Variants in C12orf42 observed in about 807,000 individuals in gnomAD.
C12orf42 encodes the protein uncharacterized protein C12orf42.
In C12orf42, 25 loss-of-function variants were observed where a neutral mutation model predicts 21.6. That is an observed-to-expected ratio of 1.16 (90% CI 0.84 to 1.62). C12orf42 has a LOEUF of 1.62. Ranked by LOEUF, C12orf42 falls within the 40% of genes most tolerant of loss-of-function variation. C12orf42 has a pLI of 0.00. For missense variants in C12orf42, 483 were observed against 459.3 expected (o/e 1.05, Z -0.47); for synonymous variants, 174 against 175.0 (o/e 0.99, Z 0.05).
intron 4 of C12orf42, among the ~76,000 whole-genome samples, chr12:103,349,775 A>G (rs1566127384): frequency 6.6e-6 from 1 of 152,176 alleles, no homozygotes; most frequent in African/African-American, 2.4e-5. Flanking sequence ...TGGAAATACA[A>G]TGGTAAAATG....
chr12:103,081,179 TTAGG>T, the C12orf42 span: 10 of 152,348 alleles, frequency 6.6e-5, no homozygotes, highest in African/African-American at 2.2e-4. Flanking sequence ...ACCATCTTCC[TTAGG>T]CTATAGAAAT....
chr12:103,123,670 A>G, the C12orf42 span, among the ~76,000 whole-genome samples: 1 of 152,138 alleles, frequency 6.6e-6, no homozygotes. Flanking sequence ...GAAATTGTAA[A>G]CTACTTATGG....
intron 2 of C12orf42, among the ~76,000 whole-genome samples, chr12:103,421,019 C>T (rs2049850011): frequency 6.6e-6 from 1 of 152,142 alleles, no homozygotes; most frequent in African/African-American, 2.4e-5. Context: ...TATTGTACAA[C>T]TTACTCACAA....
At chr12:103,329,224 C>A (rs924483200) in intron 4 of C12orf42, among the ~76,000 whole-genome samples, 1 of 152,172 alleles carries the variant, frequency 6.6e-6, no homozygotes, top group Non-Finnish European at 1.5e-5. Context: ...AGAAGGCTCT[C>A]ATTTTATCCT....
At chr12:103,217,644 C>T in the C12orf42 span, among the ~76,000 whole-genome samples, 2 of 152,106 alleles carry the variant, frequency 1.3e-5, no homozygotes, top group African/African-American at 2.4e-5. Flanking sequence ...CATGCTGTGC[C>T]GGCTACTTTC....
chr12:103,355,222 G>A (rs189252821), intron 4 of C12orf42, among the ~76,000 whole-genome samples: 10 of 152,226 alleles, frequency 6.6e-5, no homozygotes, highest in African/African-American at 2.2e-4. Context: ...TTGTCAGTAA[G>A]TGTTGGCTAA....
chr12:103,525,643 T>A, the C12orf42 span, among the ~76,000 whole-genome samples: 1 of 152,194 alleles, frequency 6.6e-6, no homozygotes, highest in Non-Finnish European at 1.5e-5. Context: ...TCAATATTAT[T>A]ATAATTAAAG....
the C12orf42 span, among the ~76,000 whole-genome samples, chr12:103,170,153 A>G: frequency 6.6e-6 from 1 of 152,224 alleles, no homozygotes; most frequent in South Asian, 2.1e-4. Flanking sequence ...GGTACTTTTC[A>G]TCTTCTTGGC....
At chr12:103,270,364 G>GAAAGGAGGGAAGGAAGGAAT in intron 5 of C12orf42, 2 of 122,652 alleles carry the variant, frequency 1.6e-5, no homozygotes, top group Admixed American at 8.9e-5. Flanking sequence ...AAGGAAGGAA[G>GAAAGGAGGGAAGGAAGGAAT]AAAGGAAGGA....
chr12:103,168,217 G>T, the C12orf42 span: 3 of 382,398 alleles, frequency 7.8e-6, no homozygotes, highest in East Asian at 1.5e-4. Flanking sequence ...AACCATACAT[G>T]AATTTATATT....
At chr12:103,077,962 G>A in the C12orf42 span, among the ~76,000 whole-genome samples, 5 of 152,130 alleles carry the variant, frequency 3.3e-5, no homozygotes, top group Admixed American at 6.6e-5. Flanking sequence ...AATTTAATTC[G>A]ACAAAGCTAA....
intron 2 of C12orf42, among the ~76,000 whole-genome samples, chr12:103,460,297 AGAT>A (rs1952610482): frequency 6.6e-6 from 1 of 151,314 alleles, no homozygotes. Flanking sequence ...AGAGAGAGAG[AGAT>A]TGAAAGCAAA....
At chr12:103,181,067 T>C in the C12orf42 span, among the ~76,000 whole-genome samples, 1 of 151,572 alleles carries the variant, frequency 6.6e-6, no homozygotes, top group Non-Finnish European at 1.5e-5. Flanking sequence ...ATTGAGACCA[T>C]CCTGGCCAAC....
intron 4 of C12orf42, among the ~76,000 whole-genome samples, chr12:103,284,985 T>C (rs1348004462): frequency 6.6e-6 from 1 of 152,158 alleles, no homozygotes; most frequent in Non-Finnish European, 1.5e-5. Flanking sequence ...TTCTCACTGT[T>C]CCCTAAGCAA....
chr12:103,125,880 G>A, the C12orf42 span, among the ~76,000 whole-genome samples: 1 of 152,180 alleles, frequency 6.6e-6, no homozygotes, highest in African/African-American at 2.4e-5. Context: ...AATAGAGTAT[G>A]AGAGACCATT....
intron 4 of C12orf42, among the ~76,000 whole-genome samples, chr12:103,342,341 C>T (rs1476731064): frequency 1.3e-5 from 2 of 152,216 alleles, no homozygotes; most frequent in East Asian, 1.9e-4. Context: ...TTTACCCTTA[C>T]GATACCTAAA....
At chr12:103,155,374 A>G in the C12orf42 span, 1 of 152,190 alleles carries the variant, frequency 6.6e-6, no homozygotes, top group Admixed American at 6.6e-5. Context: ...GTAAATATTT[A>G]CAAATTTGTC....
chr12:103,429,318 A>C (rs2094085179), intron 2 of C12orf42, among the ~76,000 whole-genome samples: 1 of 152,194 alleles, frequency 6.6e-6, no homozygotes, highest in Non-Finnish European at 1.5e-5. Context: ...ATTCCTATAC[A>C]CCAACAACAG....
chr12:103,374,009 C>T (rs2045484276), intron 3 of C12orf42, among the ~76,000 whole-genome samples: 1 of 152,140 alleles, frequency 6.6e-6, no homozygotes, highest in African/African-American at 2.4e-5. Context: ...ATATGCAATG[C>T]AGTGTTAAGG....
Sources: allele counts gnomAD v4.1 joint callset (sites outside exome capture counted in the v4.1 genomes callset), GRCh38; gene constraint gnomAD v4.1.1; transcripts MANE v1.5; gene names NCBI Gene and HGNC (gene_info 2026-07-23, HGNC 2026-07-21).